Variants in GLIS3 observed in about 807,000 individuals in gnomAD.
GLIS3 encodes GLIS family zinc finger 3.
GLIS3 carries 53 observed loss-of-function variants against 78.6 expected under a neutral mutation model. The observed-to-expected ratio is 0.67, with a 90% confidence interval of 0.54 to 0.85. GLIS3 has a LOEUF of 0.85. Among genes scored for constraint, GLIS3 ranks in the 40% least tolerant of loss-of-function variants. The pLI is 0.00. For missense variants in GLIS3, 1,703 were observed against 1,231.1 expected (o/e 1.38, Z -5.74); for synonymous variants, 684 against 509.9 (o/e 1.34, Z -4.60).
chr9:4,394,849 G>A, the GLIS3 span, among the ~76,000 whole-genome samples: 1 of 152,116 alleles, frequency 6.6e-6, no homozygotes, highest in South Asian at 2.1e-4. Context: ...GCCAAATATA[G>A]CCTTGTCTAA....
At chr9:3,996,249 G>C (rs142813019) in intron 4 of GLIS3, among the ~76,000 whole-genome samples, 2 of 152,044 alleles carry the variant, frequency 1.3e-5, no homozygotes, top group Non-Finnish European at 2.9e-5. Flanking sequence ...ACTTCTAAAA[G>C]ATGTCCTTCA....
chr9:4,399,787 G>T, the GLIS3 span, among the ~76,000 whole-genome samples: 39 of 152,320 alleles, frequency 2.6e-4, no homozygotes, highest in East Asian at 7.3e-3. Context: ...AGCAGCTACA[G>T]AAGAGGCATC....
intron 3 of GLIS3, among the ~76,000 whole-genome samples, chr9:4,122,719 T>C (rs915103126): frequency 3.3e-5 from 5 of 152,200 alleles, no homozygotes; most frequent in African/African-American, 1.2e-4. Flanking sequence ...CTAAGTATGC[T>C]ACCAAAGCCA....
chr9:3,934,204 A>T lies in GLIS3; in HGVS notation c.1873-1734T>A, dbSNP rs183862938. Among the ~76,000 whole-genome samples the T allele has an allele frequency of 7.2e-5, 11 of 152,302 alleles. No individual in the cohort carries two copies. In the East Asian group the frequency reaches 2.1e-3, roughly 29 times the overall value. The stretch of plus-strand genomic sequence containing the variant: ...TGAATTTGCATAGCCTTCTTGCACT[A>T]GCCTTCCCTACCCTGCCCTGGTTTC... On this transcript the variant is annotated intron_variant, in intron 5 of 10. Coordinates refer to ENST00000381971, the MANE Select transcript of GLIS3 (RefSeq NM_001042413.2).
chr9:3,908,475 A>C (rs1389019261), intron 6 of GLIS3, among the ~76,000 whole-genome samples: 2 of 152,194 alleles, frequency 1.3e-5, no homozygotes, highest in Non-Finnish European at 2.9e-5. Context: ...TTTAGGGCTT[A>C]ATTTCCCAAC....
chr9:4,253,619 TTC>T (rs1824613188), intron 2 of GLIS3, among the ~76,000 whole-genome samples: 1 of 152,178 alleles, frequency 6.6e-6, no homozygotes, highest in South Asian at 2.1e-4. Context: ...GAGTGAACGA[TTC>T]TGTCTCGCTA....
chr9:3,986,297 C>T (rs10974273), intron 4 of GLIS3, among the ~76,000 whole-genome samples: 4,473 of 152,180 alleles, frequency 0.029, 88 homozygotes, highest in Non-Finnish European at 0.046. Context: ...AATAAAGGCA[C>T]GGATACAACT....
At chr9:4,461,777 T>C in the GLIS3 span, among the ~76,000 whole-genome samples, 5 of 152,162 alleles carry the variant, frequency 3.3e-5, no homozygotes, top group African/African-American at 1.2e-4. Flanking sequence ...CATTACACCC[T>C]CAGCATAGGT....
chr9:4,061,878 T>A (rs1206207757), intron 4 of GLIS3, among the ~76,000 whole-genome samples: 1 of 152,178 alleles, frequency 6.6e-6, no homozygotes, highest in Non-Finnish European at 1.5e-5. Context: ...CTCCTCCTGG[T>A]TTATCAGTGT....
At chr9:4,036,634 A>C (rs1824331934) in intron 4 of GLIS3, among the ~76,000 whole-genome samples, 1 of 152,180 alleles carries the variant, frequency 6.6e-6, no homozygotes, top group Non-Finnish European at 1.5e-5. Flanking sequence ...TGCAGCCTTA[A>C]GCCCTGAGAC....
At chr9:3,917,640 T>C (rs1233403090) in intron 6 of GLIS3, among the ~76,000 whole-genome samples, 1 of 152,052 alleles carries the variant, frequency 6.6e-6, no homozygotes, top group Non-Finnish European at 1.5e-5. Context: ...CAAGTTTTTC[T>C]CTGCCTTGTC....
At chr9:4,190,019 A>G (rs970567223) in intron 2 of GLIS3, among the ~76,000 whole-genome samples, 3 of 152,220 alleles carry the variant, frequency 2.0e-5, no homozygotes, top group Non-Finnish European at 4.4e-5. Context: ...CATCCACACC[A>G]AAAACCCATT....
intron 4 of GLIS3, among the ~76,000 whole-genome samples, chr9:4,018,398 G>T (rs1822609461): frequency 6.6e-6 from 1 of 152,204 alleles, no homozygotes. Context: ...CACTAAGGAA[G>T]AAAGCAAGAT....
At chr9:4,142,526 C>T (rs1356526411) in intron 2 of GLIS3, among the ~76,000 whole-genome samples, 1 of 152,180 alleles carries the variant, frequency 6.6e-6, no homozygotes, top group Admixed American at 6.5e-5. Context: ...AGGATGTGGT[C>T]TCCTGTGTTC....
chr9:3,845,449 C>T (rs1433711802), intron 9 of GLIS3, among the ~76,000 whole-genome samples: 3 of 152,062 alleles, frequency 2.0e-5, no homozygotes, highest in Non-Finnish European at 4.4e-5. Context: ...TAGTCATTAC[C>T]TTTGAGCAGT....
chr9:4,275,220 T>A (rs538757180), intron 2 of GLIS3, among the ~76,000 whole-genome samples: 13 of 152,314 alleles, frequency 8.5e-5, no homozygotes, highest in South Asian at 8.3e-4. Context: ...ACGCTCTCCA[T>A]GTTCAGAGGG....
Position 4,171,299 on chromosome 9 carries a change from G to A in GLIS3, c.389-45358C>T, listed in dbSNP as rs1030179146. Among the ~76,000 whole-genome samples, 4 of 152,102 alleles carry A rather than the reference G, an allele frequency of 2.6e-5. No homozygotes were observed. In the South Asian group the frequency reaches 8.3e-4, roughly 32 times the overall value. On this transcript the variant is annotated intron_variant, in intron 2 of 10. Coordinates refer to ENST00000381971, the MANE Select transcript of GLIS3 (RefSeq NM_001042413.2). ...GAATCTAGGGAATAGCTTAAGTTAAGCCTTCAAAAATGAAATGTGTTGTAC... is the reference window on the plus strand; with the variant it reads ...GAATCTAGGGAATAGCTTAAGTTAAACCTTCAAAAATGAAATGTGTTGTAC...
chr9:4,369,688 G>T, the GLIS3 span, among the ~76,000 whole-genome samples: 2 of 152,076 alleles, frequency 1.3e-5, no homozygotes, highest in East Asian at 3.9e-4. Flanking sequence ...ATGGCGTGAT[G>T]GTCAAATGTG....
chr9:4,000,749 G>C (rs558238942), intron 4 of GLIS3, among the ~76,000 whole-genome samples: 1 of 152,180 alleles, frequency 6.6e-6, no homozygotes, highest in South Asian at 2.1e-4. Context: ...CTGCATTCTA[G>C]TGACACACTG....
Sources: gnomAD v4.1 joint callset for allele counts (sites outside exome capture counted in the v4.1 genomes callset) on GRCh38, gnomAD v4.1.1 for gene constraint, MANE v1.5 for transcripts, NCBI Gene and HGNC (gene_info 2026-07-23, HGNC 2026-07-21) for gene names.